Variants in MCRS1 observed in about 807,000 individuals in gnomAD.
The protein encoded by MCRS1 is microspherule protein 1, also known as 58 kDa microspherule protein.
In MCRS1, 22 loss-of-function variants were observed where a neutral mutation model predicts 62.9. That is an observed-to-expected ratio of 0.35 (90% CI 0.25 to 0.50). The LOEUF is 0.50. MCRS1 is among the 20% of genes least tolerant of loss of function. The pLI is 0.98. For synonymous variants in MCRS1, 244 were observed against 233.5 expected (o/e 1.04, Z -0.41); for missense variants, 456 against 601.1 (o/e 0.76, Z 2.52).
chr12:49,560,718 A>G (rs1484077757), intron 8 of MCRS1, among the ~76,000 whole-genome samples: 2 of 152,158 alleles, frequency 1.3e-5, no homozygotes, highest in African/African-American at 4.8e-5. Flanking sequence ...GAGGGGTTAA[A>G]CTATGTGACC....
chr12:49,563,213 C>A, intron 7 of MCRS1, 74 bp from the exon 8 acceptor site: 2 of 1,530,540 alleles, frequency 1.3e-6, no homozygotes, highest in Middle Eastern at 1.7e-4. Flanking sequence ...ATCTCTACCT[C>A]CCACCTCAGC....
At chr12:49,565,207 C>T (rs1490718835) in intron 4 of MCRS1, 3 of 985,296 alleles carry the variant, frequency 3.0e-6, no homozygotes, top group Non-Finnish European at 3.6e-6. Flanking sequence ...TGTCTAGGGC[C>T]ACAGCAATGC....
chr12:49,562,481 T>G (rs1938820732), intron 8 of MCRS1, among the ~76,000 whole-genome samples: 1 of 152,044 alleles, frequency 6.6e-6, no homozygotes. Context: ...GATTTATGAA[T>G]GGCCTGAGGG....
chr12:49,564,441 TCC>T, intron 6 of MCRS1, 38 bp downstream of exon 6: 1 of 1,548,846 alleles, frequency 6.5e-7, no homozygotes, highest in Non-Finnish European at 8.9e-7. Flanking sequence ...AATTCTGGTG[TCC>T]CAGTACCTCC....
At chr12:49,560,504 C>T in intron 8 of MCRS1, 134 bp from the exon 9 acceptor site, 1 of 752,908 alleles carries the variant, frequency 1.3e-6, no homozygotes, top group Non-Finnish European at 2.4e-6. Context: ...GTGCCCATAC[C>T]AGATTAGGCT....
rs1263419577 is a variant in MCRS1 at position 49,566,778 on chromosome 12, G to A, written c.-47C>T. 1 of 1,609,754 alleles carries A rather than the reference G, an allele frequency of 6.2e-7. No homozygotes were observed. Among genetic ancestry groups the A allele is most frequent in the African/African-American group, 1.3e-5 (1 of 74,670 alleles). On this transcript the variant is annotated 5_prime_UTR_variant, in exon 2 of 15. Transcript: ENST00000343810. ...CTGGTTCCAAACCACCGGGCTAGGA[G>A]GAACGGTCCCACAGGCTCATCCAAG...
intron 3 of MCRS1, 122 bp from the exon 4 acceptor site, chr12:49,565,789 T>A (rs1254119368): frequency 1.5e-5 from 21 of 1,407,350 alleles, no homozygotes; most frequent in Non-Finnish European, 2.1e-5. Flanking sequence ...CTGCTTTCAC[T>A]TTACGCCACA....
In MCRS1 at chr12:49,566,791, A is replaced by G; in HGVS notation, c.-60T>C. On this transcript the variant is annotated 5_prime_UTR_variant, in exon 2 of 15. Transcript: ENST00000343810. ...ACCGGGCTAGGAGGAACGGTCCCAC[A>G]GGCTCATCCAAGGATTCTGACCAGG... is the stretch of plus-strand genomic sequence containing the variant. The G allele has an allele frequency of 6.2e-7, 1 of 1,600,258 alleles. No individual in the cohort carries two copies. Among genetic ancestry groups the G allele is most frequent in the Non-Finnish European group, 8.5e-7 (1 of 1,171,338 alleles).
chr12:49,562,738 G>C (rs1390274811), intron 8 of MCRS1, among the ~76,000 whole-genome samples: 1 of 152,128 alleles, frequency 6.6e-6, no homozygotes, highest in East Asian at 1.9e-4. Context: ...CAAAAGACAA[G>C]AAATGGTAGA....
chr12:49,560,175 A>G (rs1938687483), intron 9 of MCRS1, 120 bp downstream of exon 9: 4 of 1,252,178 alleles, frequency 3.2e-6, no homozygotes, highest in Non-Finnish European at 4.7e-6. Flanking sequence ...GAGGGGGCTC[A>G]GCCAGGGGGG....
At position 49,558,624 on chromosome 12, in the gene MCRS1, C is replaced by A; in HGVS notation, c.*19G>T. The A allele has an allele frequency of 6.2e-7, 1 of 1,608,894 alleles. No individual in the cohort carries two copies. The highest frequency in any genetic ancestry group is 8.5e-7 in the Non-Finnish European group (1 of 1,177,906). On this transcript the variant is annotated 3_prime_UTR_variant, in exon 15 of 15. Transcript: ENST00000343810. ...GGGGAAACAGGCCGGAGAGGGCCCA[C>A]GAGTCCTGCCACCACTCCTCACTGT... is the stretch of plus-strand genomic sequence containing the variant.
At chr12:49,563,238 G>A in intron 7 of MCRS1, 99 bp from the exon 8 acceptor site, 1 of 1,511,382 alleles carries the variant, frequency 6.6e-7, no homozygotes, top group Non-Finnish European at 8.9e-7. Context: ...CCCAGGAGCT[G>A]GAAGAAGCAA....
intron 1 of MCRS1, 85 bp downstream of exon 1, chr12:49,567,943 GGGGCCCCAAACTTGGGGGGT>G (rs1939149766): frequency 1.3e-5 from 2 of 152,236 alleles, no homozygotes; most frequent in Non-Finnish European, 2.9e-5. Flanking sequence ...CCACTGGGGC[GGGGCCCCAAACTTGGGGGGT>G]GGTCGTCCCC....
intron 8 of MCRS1, among the ~76,000 whole-genome samples, chr12:49,561,571 A>T (rs1938769677): frequency 6.6e-6 from 1 of 152,280 alleles, no homozygotes; most frequent in Admixed American, 6.5e-5. Flanking sequence ...GAAGGAATAA[A>T]TAAAACTTTC....
intron 1 of MCRS1, chr12:49,567,846 C>T (rs1939142413): frequency 6.6e-6 from 1 of 152,268 alleles, no homozygotes; most frequent in African/African-American, 2.4e-5. Context: ...ATTCTCACCC[C>T]ACGGTCTCCA....
In MCRS1 at chr12:49,563,078, T is replaced by C. The variant is rs754983708; in HGVS notation, c.728A>G (p.Tyr243Cys). Reference sequence around the variant, plus strand: ...CAGGGCCTTCGCGGTACGGGCCAGGTAGAAGGCATCAGGGTGTCTGTGCAG... The same window carrying C: ...CAGGGCCTTCGCGGTACGGGCCAGGCAGAAGGCATCAGGGTGTCTGTGCAG... ...DLLHRHPDAF[Y>C]LARTAKALQA... The change falls in exon 8 of 15, where the codon TAC becomes TGC. Residue 243 changes from tyrosine (Y) to cysteine (C), a missense_variant. Transcript: ENST00000343810. The C allele has an allele frequency of 6.4e-7, 1 of 1,573,048 alleles. No individual in the cohort carries two copies. The highest frequency in any genetic ancestry group is 1.3e-5 in the African/African-American group (1 of 74,192).
At chr12:49,564,662 C>G in intron 5 of MCRS1, 72 bp from the exon 6 acceptor site, 1 of 1,606,364 alleles carries the variant, frequency 6.2e-7, no homozygotes, top group Non-Finnish European at 8.5e-7. Context: ...CCACAGGGCC[C>G]TGTTGGGCTA....
In MCRS1 at chr12:49,559,280, T is replaced by C; in HGVS notation, c.1108A>G (p.Lys370Glu). 1 of 1,614,094 alleles carries C rather than the reference T, an allele frequency of 6.2e-7. No individual in the cohort carries two copies. The highest frequency in any genetic ancestry group is 2.2e-5 in the East Asian group (1 of 44,874). Residue 370 changes from lysine (K) to glutamate (E), a missense_variant, in exon 13 of 15, where the codon AAG becomes GAG. Around this residue, in one of 3 missense-constraint regions of MCRS1, gnomAD observed 393 missense variants for 523.5 expected, o/e 0.75. Coordinates refer to ENST00000343810, the MANE Select transcript of MCRS1 (RefSeq NM_006337.5). This position sits in a 1 kb window ranked among gnomAD's most constrained non-coding sequence, Gnocchi z 5.2. Reference sequence around the variant, plus strand: ...AGGTCCACATCAATCTGGTTATCCTTGGTTGCTCTGCCCAGGGTGATCTGG... The same window carrying C: ...AGGTCCACATCAATCTGGTTATCCTCGGTTGCTCTGCCCAGGGTGATCTGG... ...SREITLGRATKDNQIDVDLSL... is the reference protein window; with the variant it reads ...SREITLGRATEDNQIDVDLSL...
At position 49,559,352 on chromosome 12, in the gene MCRS1, G is replaced by C. The variant is rs771011434; in HGVS notation, c.1087-51C>G. On this transcript the variant is annotated intron_variant, in intron 12 of 14. Transcript: ENST00000343810. The surrounding 1 kb of genome is among the most constrained non-coding windows in gnomAD (Gnocchi z 5.2). ...TGGGACCTGAAGAATTGGGGGAGTA[G>C]GTCTATGCAGGCCAGAGAAAGATGG... 2.1e-5 allele frequency: 33 copies of C among 1,604,078 alleles called. No individual in the cohort carries two copies. The highest frequency in any genetic ancestry group is 2.8e-5 in the Non-Finnish European group (33 of 1,171,120).
Sources: allele counts gnomAD v4.1 joint callset (sites outside exome capture counted in the v4.1 genomes callset), GRCh38; gene constraint gnomAD v4.1.1; regional missense constraint gnomAD v4.1.1; non-coding constraint Gnocchi (gnomAD v3.1); transcripts MANE v1.5; gene names NCBI Gene and HGNC (gene_info 2026-07-23, HGNC 2026-07-21).